The following LCOR variants were observed in gnomAD, a reference collection of about 807,000 sequenced individuals.
LCOR encodes the protein ligand-dependent corepressor.
A neutral mutation model predicts 64.4 loss-of-function variants in LCOR; 14 were observed. The observed-to-expected ratio is 0.22, with a 90% CI of 0.14 to 0.34. The LOEUF (loss-of-function observed/expected upper bound fraction) is 0.34, where lower values mean the gene tolerates loss of function less well. Ranked by LOEUF, LCOR falls within the 10% of genes least tolerant of loss-of-function variation. The pLI is 1.00. For missense variants in LCOR, 1,686 were observed against 1,765.3 expected, an observed-to-expected ratio of 0.96 and a Z score of 0.80; for synonymous variants, 643 against 642.5, an observed-to-expected ratio of 1.00 and a Z score of -0.01.
intron 2 of LCOR, among the ~76,000 whole-genome samples, chr10:96,885,942 A>G (rs1255080141): frequency 3.3e-5 from 5 of 152,058 alleles, no homozygotes; most frequent in Non-Finnish European, 5.9e-5. Flanking sequence ...CAGTGGTGCA[A>G]TCTCAGCTCA....
At chr10:96,887,259 A>G (rs1329934177) in intron 2 of LCOR, among the ~76,000 whole-genome samples, 1 of 152,142 alleles carries the variant, frequency 6.6e-6, no homozygotes, top group Non-Finnish European at 1.5e-5. Flanking sequence ...GAATGCCCAC[A>G]ATGAAACAGT....
chr10:96,857,900 G>C (rs902911878), intron 2 of LCOR, among the ~76,000 whole-genome samples: 13 of 152,154 alleles, frequency 8.5e-5, no homozygotes, highest in African/African-American at 2.9e-4. Flanking sequence ...ACCCTGCCCA[G>C]TCCCTATTCC....
At chr10:96,966,013 G>C (rs1390225761) in intron 7 of LCOR, among the ~76,000 whole-genome samples, 1 of 151,822 alleles carries the variant, frequency 6.6e-6, no homozygotes, top group Non-Finnish European at 1.5e-5. Flanking sequence ...TGTTATAAAG[G>C]CCCTATTTAA....
intron 4 of LCOR, among the ~76,000 whole-genome samples, chr10:96,919,212 C>T (rs1007788637): frequency 2.6e-5 from 4 of 151,998 alleles, no homozygotes; most frequent in Non-Finnish European, 5.9e-5. Context: ...TTAGAATATG[C>T]CTACTTATAT....
chr10:96,955,340 T>A (rs748283363), intron 7 of LCOR: 8 of 1,613,890 alleles, frequency 5.0e-6, no homozygotes, highest in Non-Finnish European at 6.8e-6. Flanking sequence ...CAAAACAAGA[T>A]GGAAAAAAGG....
At position 96,982,711 on chromosome 10, in the gene LCOR, A is replaced by C. The variant is rs1434874209; in HGVS notation, c.2251A>C (p.Ser751Arg). 1 of 1,614,090 alleles carries C rather than the reference A, an allele frequency of 6.2e-7. No homozygotes were observed. Among genetic ancestry groups the C allele is most frequent in the Non-Finnish European group, 8.5e-7 (1 of 1,180,052 alleles). Residue 751 changes from serine to arginine, a missense_variant, in exon 8 of 8, where the codon AGC (serine) becomes CGC (arginine). By Grantham distance (110) the Ser-to-Arg change is moderately radical. Coordinates refer to ENST00000421806, the MANE Select transcript of LCOR (RefSeq NM_001346516.2). ...TGTCGACCCACTCTTGAAGGAAAGC[A>C]GCACTTTTACTGATGAAAACCCCAG... ...LNVDPLLKES[S>R]TFTDENPSET...
intron 4 of LCOR, among the ~76,000 whole-genome samples, chr10:96,917,239 A>T (rs1311585689): frequency 6.6e-6 from 1 of 152,226 alleles, no homozygotes; most frequent in South Asian, 2.1e-4. Flanking sequence ...TAGACTAATC[A>T]TTTGGCAGGT....
chr10:96,947,295 C>T (rs963961762), intron 5 of LCOR, among the ~76,000 whole-genome samples: 1 of 151,990 alleles, frequency 6.6e-6, no homozygotes, highest in Non-Finnish European at 1.5e-5. Context: ...GAGTAAGCCT[C>T]ATTAAACTCC....
intron 6 of LCOR, 65 bp from the exon 7 acceptor site, chr10:96,952,038 G>A: frequency 8.9e-7 from 1 of 1,124,986 alleles, no homozygotes; most frequent in Non-Finnish European, 1.3e-6. Flanking sequence ...TTCATTTTTA[G>A]CCTATTTAGT....
intron 2 of LCOR, among the ~76,000 whole-genome samples, chr10:96,855,136 G>A (rs891810877): frequency 6.6e-6 from 1 of 152,140 alleles, no homozygotes; most frequent in African/African-American, 2.4e-5. Flanking sequence ...AGATTTGGTT[G>A]GTGGAGTTCT....
chr10:96,953,417 T>G (rs1479215344), intron 7 of LCOR, among the ~76,000 whole-genome samples: 1 of 152,044 alleles, frequency 6.6e-6, no homozygotes, highest in Middle Eastern at 3.2e-3. Flanking sequence ...CCAGGCATGG[T>G]GGTGTGCACC....
intron 2 of LCOR, among the ~76,000 whole-genome samples, chr10:96,835,944 T>G (rs562392186): frequency 6.6e-6 from 1 of 152,206 alleles, no homozygotes; most frequent in Non-Finnish European, 1.5e-5. Context: ...ATGATCAGTT[T>G]AGATTCCAGG....
chr10:96,887,960 C>A (rs1331110826), intron 2 of LCOR, among the ~76,000 whole-genome samples: 2 of 151,352 alleles, frequency 1.3e-5, no homozygotes, highest in African/African-American at 4.8e-5. Context: ...GGATTACAGG[C>A]ATGAACCACC....
Position 96,992,085 on chromosome 10 carries a change from A to G in LCOR, c.*6951A>G, listed in dbSNP as rs1848205684. On this transcript the variant is annotated 3_prime_UTR_variant, in exon 8 of 8. Transcript: ENST00000421806. ...AGCTAATTTTTGGGAAAGAGACTAT[A>G]CCAACAAGATTTGCATAATTTTTTA... is the stretch of plus-strand genomic sequence containing the variant. 1 of 152,200 alleles carries G rather than the reference A, an allele frequency of 6.6e-6. No individual in the cohort carries two copies. The highest frequency in any genetic ancestry group is 2.4e-5 in the African/African-American group (1 of 41,438). 9.4% of individuals were successfully genotyped at this position (152,200 alleles called of 1,614,324 possible).
intron 2 of LCOR, among the ~76,000 whole-genome samples, chr10:96,856,825 G>A (rs1437851692): frequency 6.8e-6 from 1 of 147,390 alleles, no homozygotes; most frequent in Non-Finnish European, 1.5e-5. Flanking sequence ...CAGCAGAAAA[G>A]AAATAGCTCA....
At chr10:96,978,372 T>C (rs1848055170) in intron 7 of LCOR, among the ~76,000 whole-genome samples, 1 of 152,262 alleles carries the variant, frequency 6.6e-6, no homozygotes, top group Non-Finnish European at 1.5e-5. Flanking sequence ...TTAAAACTTT[T>C]ACTAAGTCCA....
intron 7 of LCOR, chr10:96,955,883 A>G (rs917017144): frequency 1.9e-6 from 3 of 1,614,000 alleles, no homozygotes; most frequent in Admixed American, 1.7e-5. Context: ...ATCCCCAGGG[A>G]GAGGCAGCAC....
At chr10:96,965,303 C>CCGGCCAGGACTCTTAACAA (rs1457921003) in intron 7 of LCOR, among the ~76,000 whole-genome samples, 1 of 151,662 alleles carries the variant, frequency 6.6e-6, no homozygotes. Context: ...GCCACTGCGC[C>CCGGCCAGGACTCTTAACAA]AGACTGCTAG....
At chr10:96,832,936 G>C in intron 1 of LCOR, 1 of 958,206 alleles carries the variant, frequency 1.0e-6, no homozygotes, top group Non-Finnish European at 1.2e-6. Flanking sequence ...CTGCAGGCGG[G>C]CGCCCGGCGC....
Sources: allele counts gnomAD v4.1 joint callset (sites outside exome capture counted in the v4.1 genomes callset), GRCh38; gene constraint gnomAD v4.1.1; transcripts MANE v1.5; gene names NCBI Gene and HGNC (gene_info 2026-07-23, HGNC 2026-07-21).